RSPO2: variants seen among roughly 807,000 people sequenced by gnomAD.
The protein encoded by RSPO2 is R-spondin 2, also known as R-spondin-2.
A neutral mutation model predicts 30.9 loss-of-function variants in RSPO2; 14 were observed. The observed-to-expected ratio is 0.45, with a 90% confidence interval of 0.30 to 0.71. The LOEUF is 0.71. Among genes scored for constraint, RSPO2 ranks in the 30% least tolerant of loss-of-function variants. The pLI, the probability that RSPO2 is intolerant of heterozygous loss-of-function variation, is 0.08. For missense variants in RSPO2, 264 were observed against 301.9 expected (o/e 0.87, Z 0.93); for synonymous variants, 107 against 96.4 (o/e 1.11, Z -0.64).
chr8:108,047,386 T>C (rs1374253821), intron 2 of RSPO2, among the ~76,000 whole-genome samples: 1 of 152,188 alleles, frequency 6.6e-6, no homozygotes, highest in Non-Finnish European at 1.5e-5. Flanking sequence ...AGAAGTGCTA[T>C]CTTGTGATAA....
intron 2 of RSPO2, among the ~76,000 whole-genome samples, chr8:108,010,688 T>C (rs999053855): frequency 6.6e-6 from 1 of 151,850 alleles, no homozygotes; most frequent in African/African-American, 2.4e-5. Flanking sequence ...ATCAGTAAGG[T>C]CAGCACACGC....
At chr8:107,911,047 T>A (rs1811807672) in intron 5 of RSPO2, among the ~76,000 whole-genome samples, 1 of 152,154 alleles carries the variant, frequency 6.6e-6, no homozygotes, top group Non-Finnish European at 1.5e-5. Flanking sequence ...CTGAAAGTGG[T>A]CAGGAACCAA....
chr8:108,050,114 C>CTT (rs1374051500), intron 2 of RSPO2, among the ~76,000 whole-genome samples: 1 of 152,142 alleles, frequency 6.6e-6, no homozygotes, highest in African/African-American at 2.4e-5. Context: ...AGATCACTCA[C>CTT]TGTTGTACTT....
In RSPO2 at chr8:107,900,168, G is replaced by T. The variant is rs190352029; in HGVS notation, c.*907C>A. 2.8e-4 allele frequency: 43 copies of T among 152,316 alleles called. No individual in the cohort carries two copies. Among genetic ancestry groups the T allele is most frequent in the Admixed American group, 2.5e-3 (38 of 15,296 alleles). The allele number at this position is 152,316 out of a possible 1,614,324, so 9.4% of individuals were successfully genotyped here. ...TCATCACATCTTAGACTCAAAGGCA[G>T]TTTGGGCTTCTGATTGCCAGATGCC... On this transcript the variant is annotated 3_prime_UTR_variant, in exon 6 of 6. Transcript: ENST00000276659.
At chr8:107,987,143 ATTCT>A (rs1397801571) in intron 3 of RSPO2, among the ~76,000 whole-genome samples, 4 of 152,112 alleles carry the variant, frequency 2.6e-5, no homozygotes, top group Middle Eastern at 3.4e-3. Flanking sequence ...ATCAAGTTTG[ATTCT>A]TTCTCTTAGC....
chr8:108,020,134 G>T (rs1811013042), intron 2 of RSPO2, among the ~76,000 whole-genome samples: 1 of 150,592 alleles, frequency 6.6e-6, no homozygotes, highest in Non-Finnish European at 1.5e-5. Flanking sequence ...CCCTCTCCAG[G>T]AGATGCCTTC....
chr8:107,949,353 G>T (rs505451), intron 5 of RSPO2, among the ~76,000 whole-genome samples: 83,559 of 151,624 alleles, frequency 0.55, 24,587 homozygotes, highest in East Asian at 0.7. Context: ...TTTTTGTGGC[G>T]GAGTGGTATT....
intron 5 of RSPO2, among the ~76,000 whole-genome samples, chr8:107,953,720 G>A (rs1216550269): frequency 6.6e-6 from 1 of 152,072 alleles, no homozygotes; most frequent in African/African-American, 2.4e-5. Context: ...TATCACTTTG[G>A]ACCAGTCAGA....
intron 3 of RSPO2, among the ~76,000 whole-genome samples, chr8:107,969,819 A>G (rs1208655813): frequency 1.3e-5 from 2 of 152,016 alleles, no homozygotes; most frequent in African/African-American, 4.8e-5. Flanking sequence ...CATTATTAGA[A>G]CTCTCATCTT....
Position 107,938,665 on chromosome 8 carries a change from C to T in RSPO2, c.616+19415G>A, listed in dbSNP as rs532645391. Reference sequence around the variant, plus strand: ...AAGAGGCATATAACCTCTGAGGAGACAGGTGACAGATGTGCCTTTGCACCA... The same window carrying T: ...AAGAGGCATATAACCTCTGAGGAGATAGGTGACAGATGTGCCTTTGCACCA... On this transcript the variant is annotated intron_variant, in intron 5 of 5. Coordinates refer to ENST00000276659, the MANE Select transcript of RSPO2 (RefSeq NM_178565.5). Among the ~76,000 whole-genome samples, 317 of 152,268 alleles carry T rather than the reference C, an allele frequency of 2.1e-3. 4 individuals are homozygous for T. The highest frequency in any genetic ancestry group is 6.8e-3 in the Middle Eastern group (2 of 294).
chr8:108,022,080 G>A (rs1363601926), intron 2 of RSPO2, among the ~76,000 whole-genome samples: 2 of 152,072 alleles, frequency 1.3e-5, no homozygotes, highest in Admixed American at 6.6e-5. Context: ...ACACACAGCT[G>A]GCAGTACTGA....
chr8:108,081,601 G>T (rs963398940), intron 2 of RSPO2, among the ~76,000 whole-genome samples: 20 of 152,120 alleles, frequency 1.3e-4, no homozygotes, highest in African/African-American at 4.3e-4. Flanking sequence ...GTGTCTAGCC[G>T]CCCTTCTTCT....
chr8:108,061,375 G>A (rs1274471573), intron 2 of RSPO2, among the ~76,000 whole-genome samples: 1 of 151,488 alleles, frequency 6.6e-6, no homozygotes, highest in Non-Finnish European at 1.5e-5. Flanking sequence ...AAAAGGAAGG[G>A]GTTGCAATCC....
At chr8:108,032,113 G>T (rs1811440863) in intron 2 of RSPO2, among the ~76,000 whole-genome samples, 1 of 152,076 alleles carries the variant, frequency 6.6e-6, no homozygotes, top group Non-Finnish European at 1.5e-5. Context: ...AACAACTTCA[G>T]TATAACATCT....
At chr8:107,989,481 C>A (rs1364696096) in intron 2 of RSPO2, 1 of 449,498 alleles carries the variant, frequency 2.2e-6, no homozygotes, top group African/African-American at 2.1e-5. Flanking sequence ...GAAGCTAAAG[C>A]TGAATGGCTC....
rs558265607 is a variant in RSPO2, at chr8:108,010,482, T to C, written c.95-21238A>G. Among the ~76,000 whole-genome samples, 108 of 152,286 alleles carry C rather than the reference T, an allele frequency of 7.1e-4. 1 individual carries two copies. The Middle Eastern group carries it at 0.02, about 29-fold the overall frequency. ...GGCAAAGAGGGCCTGAGATGTCCTC[T>C]TGAGCCCGAAGCAGTATAGTAAGCC... On this transcript the variant is annotated intron_variant, in intron 2 of 5. Coordinates refer to ENST00000276659, the MANE Select transcript of RSPO2 (RefSeq NM_178565.5).
At chr8:108,035,792 A>G (rs1811579017) in intron 2 of RSPO2, among the ~76,000 whole-genome samples, 1 of 152,140 alleles carries the variant, frequency 6.6e-6, no homozygotes, top group Non-Finnish European at 1.5e-5. Flanking sequence ...CTAGACATAG[A>G]ATCTGAGATT....
intron 2 of RSPO2, among the ~76,000 whole-genome samples, chr8:107,993,022 A>ATC (rs1433196943): frequency 6.6e-6 from 1 of 152,192 alleles, no homozygotes; most frequent in Non-Finnish European, 1.5e-5. Context: ...CACCAATTGA[A>ATC]AAACATGTTC....
chr8:108,048,282 A>G (rs1811969214), intron 2 of RSPO2, among the ~76,000 whole-genome samples: 1 of 151,876 alleles, frequency 6.6e-6, no homozygotes, highest in Admixed American at 6.6e-5. Flanking sequence ...CCAACTCCAG[A>G]ACACTGACAA....
Sources: gnomAD v4.1 joint callset for allele counts (sites outside exome capture counted in the v4.1 genomes callset) on GRCh38, gnomAD v4.1.1 for gene constraint, MANE v1.5 for transcripts, NCBI Gene and HGNC (gene_info 2026-07-23, HGNC 2026-07-21) for gene names.